PHACTR1: variants seen among roughly 807,000 people sequenced by gnomAD.
PHACTR1 encodes phosphatase and actin regulator 1.
In PHACTR1, 16 loss-of-function variants were observed where a neutral mutation model predicts 69.2. The ratio of observed to expected loss-of-function variants is 0.23; its 90% confidence interval spans 0.16 to 0.35. The LOEUF is 0.35. Among genes scored for constraint, PHACTR1 ranks in the 10% least tolerant of loss-of-function variants. The pLI is 1.00. For missense variants in PHACTR1, 510 were observed against 734.7 expected (o/e 0.69, Z 3.54); for synonymous variants, 312 against 284.5 (o/e 1.10, Z -0.97).
chr6:13,171,584 G>C (rs1033151337), intron 6 of PHACTR1, among the ~76,000 whole-genome samples: 3 of 152,176 alleles, frequency 2.0e-5, no homozygotes, highest in Non-Finnish European at 2.9e-5. Flanking sequence ...TACGTGTGGT[G>C]GTGGAGCACT....
At chr6:12,889,624 A>T (rs944742141) in intron 4 of PHACTR1, among the ~76,000 whole-genome samples, 1 of 152,088 alleles carries the variant, frequency 6.6e-6, no homozygotes, top group African/African-American at 2.4e-5. Flanking sequence ...GGCCATTTTG[A>T]TGCATTTCAA....
At chr6:13,257,091 G>A (rs1298664598) in intron 10 of PHACTR1, among the ~76,000 whole-genome samples, 1 of 152,192 alleles carries the variant, frequency 6.6e-6, no homozygotes, top group Non-Finnish European at 1.5e-5. Flanking sequence ...AAGAAACCTA[G>A]CAGCTTCTGC....
At chr6:12,828,398 G>C (rs533463107) in intron 4 of PHACTR1, among the ~76,000 whole-genome samples, 3 of 152,140 alleles carry the variant, frequency 2.0e-5, no homozygotes, top group Non-Finnish European at 4.4e-5. Context: ...TTGTATAGAA[G>C]GATGTAAAAT....
Position 13,287,372 on chromosome 6 carries a change from C to A in PHACTR1, c.*294C>A. 2 of 468,812 alleles carry A rather than the reference C, an allele frequency of 4.3e-6. No homozygotes were observed. The highest frequency in any genetic ancestry group is 4.8e-5 in the South Asian group (2 of 41,524). The allele number at this position is 468,812 out of a possible 1,614,324, so 29.0% of individuals were successfully genotyped here. On this transcript the variant is annotated 3_prime_UTR_variant, in exon 15 of 15. Coordinates refer to ENST00000332995, the MANE Select transcript of PHACTR1 (RefSeq NM_030948.6). ...ACTGAAGACTGTCTGGCAGGTGGAA[C>A]GGTCCTTGTCCTCTCCAGCCAGGCC...
chr6:12,767,576 G>A (rs1232365122), intron 4 of PHACTR1, among the ~76,000 whole-genome samples: 1 of 152,096 alleles, frequency 6.6e-6, no homozygotes, highest in African/African-American at 2.4e-5. Context: ...TTACACTTTC[G>A]TTTTTTAAAA....
intron 4 of PHACTR1, among the ~76,000 whole-genome samples, chr6:13,032,162 C>T (rs183913657): frequency 5.3e-5 from 8 of 152,206 alleles, no homozygotes; most frequent in Non-Finnish European, 1.0e-4. Context: ...ATAATTTTGC[C>T]AACTCATTCC....
intron 4 of PHACTR1, among the ~76,000 whole-genome samples, chr6:12,912,685 G>T (rs1786545745): frequency 6.6e-6 from 1 of 152,194 alleles, no homozygotes; most frequent in South Asian, 2.1e-4. Context: ...GGGCGCAATG[G>T]CTCATGCCTG....
chr6:12,728,466 C>A (rs907903487), intron 3 of PHACTR1, among the ~76,000 whole-genome samples: 2 of 151,626 alleles, frequency 1.3e-5, no homozygotes, highest in African/African-American at 4.8e-5. Context: ...AGATAGTTTC[C>A]CATATTAGCT....
chr6:13,080,911 A>C (rs1811278409), intron 5 of PHACTR1, among the ~76,000 whole-genome samples: 1 of 152,206 alleles, frequency 6.6e-6, no homozygotes, highest in Non-Finnish European at 1.5e-5. Context: ...ACTAATAGAA[A>C]ACCAGAGGAA....
At chr6:12,766,845 A>G (rs1448354703) in intron 4 of PHACTR1, among the ~76,000 whole-genome samples, 1 of 152,248 alleles carries the variant, frequency 6.6e-6, no homozygotes, top group Non-Finnish European at 1.5e-5. Context: ...GTTTATTTCA[A>G]AGGATCTAGA....
chr6:12,732,874 C>T (rs1203256480), intron 3 of PHACTR1, among the ~76,000 whole-genome samples: 1 of 152,134 alleles, frequency 6.6e-6, no homozygotes, highest in Non-Finnish European at 1.5e-5. Flanking sequence ...TGCTTTTTCC[C>T]AACGGGTGAC....
At chr6:13,173,622 G>A (rs185791159) in intron 6 of PHACTR1, among the ~76,000 whole-genome samples, 187 of 152,274 alleles carry the variant, frequency 1.2e-3, no homozygotes, top group Admixed American at 2.4e-3. Flanking sequence ...GACTATCGGG[G>A]CAACTGGCAG....
At chr6:13,146,644 G>A (rs1823394075) in intron 5 of PHACTR1, among the ~76,000 whole-genome samples, 1 of 152,204 alleles carries the variant, frequency 6.6e-6, no homozygotes, top group African/African-American at 2.4e-5. Context: ...TAGGTAACAG[G>A]TGGTAGCTGG....
intron 4 of PHACTR1, among the ~76,000 whole-genome samples, chr6:12,998,538 C>G (rs548280667): frequency 2.6e-5 from 4 of 151,620 alleles, no homozygotes; most frequent in Non-Finnish European, 4.4e-5. Flanking sequence ...GTTGTCTGAA[C>G]CCTGGAGTTC....
intron 3 of PHACTR1, among the ~76,000 whole-genome samples, chr6:12,733,651 A>G (rs78194438): frequency 0.042 from 6,397 of 152,290 alleles, 451 homozygotes; most frequent in African/African-American, 0.14. Flanking sequence ...CTTCTTGTAT[A>G]TGGGGCTCAA....
At chr6:13,137,000 G>C (rs1821667450) in intron 5 of PHACTR1, among the ~76,000 whole-genome samples, 1 of 152,210 alleles carries the variant, frequency 6.6e-6, no homozygotes, top group Non-Finnish European at 1.5e-5. Flanking sequence ...GTGACACAGA[G>C]ACCCAAAGTA....
intron 10 of PHACTR1, among the ~76,000 whole-genome samples, chr6:13,271,191 T>C (rs1387638965): frequency 6.6e-6 from 1 of 152,118 alleles, no homozygotes. Context: ...GTATTTTTAA[T>C]AGAGACGGGG....
At chr6:13,033,783 T>G (rs1419568246) in intron 4 of PHACTR1, among the ~76,000 whole-genome samples, 1 of 152,212 alleles carries the variant, frequency 6.6e-6, no homozygotes, top group Non-Finnish European at 1.5e-5. Flanking sequence ...AGAACTGACT[T>G]ACTTTCTTCC....
At chr6:13,065,952 T>TAA (rs368922162) in intron 5 of PHACTR1, among the ~76,000 whole-genome samples, 5 of 136,988 alleles carry the variant, frequency 3.6e-5, no homozygotes, top group African/African-American at 8.0e-5. Context: ...ATTTCTTCTT[T>TAA]AAAAAAAAAA....
Sources: allele counts gnomAD v4.1 joint callset (sites outside exome capture counted in the v4.1 genomes callset), GRCh38; gene constraint gnomAD v4.1.1; transcripts MANE v1.5; gene names NCBI Gene and HGNC (gene_info 2026-07-23, HGNC 2026-07-21).